The following APBB2 variants were observed in gnomAD, a reference collection of about 807,000 sequenced individuals.
The protein encoded by APBB2 is amyloid beta precursor protein binding family B member 2.
Under a neutral mutation model 82.5 loss-of-function variants are expected in APBB2, and 38 were observed. That is an observed-to-expected ratio of 0.46 (90% CI 0.36 to 0.60). The LOEUF (loss-of-function observed/expected upper bound fraction) is 0.60, where lower values mean the gene tolerates loss of function less well. Ranked by LOEUF, APBB2 falls within the 20% of genes least tolerant of loss-of-function variation. The probability of loss-of-function intolerance (pLI) is 0.00; values close to 1 mark genes in which losing one functional copy is unlikely to be tolerated. For synonymous variants in APBB2, 341 were observed against 368.2 expected (o/e 0.93, Z 0.85); for missense variants, 772 against 972.3 (o/e 0.79, Z 2.74).
chr4:40,884,608 A>G (rs1769658702), intron 12 of APBB2, among the ~76,000 whole-genome samples: 2 of 152,080 alleles, frequency 1.3e-5, no homozygotes. Context: ...GAGACCCCGT[A>G]TCTACAAAAA....
intron 4 of APBB2, among the ~76,000 whole-genome samples, chr4:41,036,808 C>T (rs1333204861): frequency 6.6e-6 from 1 of 152,198 alleles, no homozygotes; most frequent in Non-Finnish European, 1.5e-5. Context: ...CTATGCAGAA[C>T]TTTTTCCCCT....
chr4:41,142,303 T>C (rs1341783964), intron 2 of APBB2, among the ~76,000 whole-genome samples: 1 of 152,224 alleles, frequency 6.6e-6, no homozygotes, highest in Non-Finnish European at 1.5e-5. Flanking sequence ...CTGCCTCATA[T>C]GGGGTTATCC....
intron 12 of APBB2, among the ~76,000 whole-genome samples, chr4:40,867,864 C>CT (rs35665507): frequency 0.023 from 3,135 of 138,784 alleles, 111 homozygotes; most frequent in African/African-American, 0.076. Context: ...ATTTCTGGGG[C>CT]TTTTTTTTTT....
intron 1 of APBB2, among the ~76,000 whole-genome samples, chr4:41,210,521 C>T (rs1779060976): frequency 6.6e-6 from 1 of 152,166 alleles, no homozygotes; most frequent in Non-Finnish European, 1.5e-5. Context: ...GAGAGAAATG[C>T]CGTCAACACA....
At chr4:41,025,890 C>T (rs1372532540) in intron 5 of APBB2, among the ~76,000 whole-genome samples, 1 of 127,934 alleles carries the variant, frequency 7.8e-6, no homozygotes, top group East Asian at 2.4e-4. Context: ...GGCATTGAGC[C>T]AAGATCATGC....
chr4:41,061,281 C>A (rs1729737923), intron 4 of APBB2, among the ~76,000 whole-genome samples: 1 of 152,210 alleles, frequency 6.6e-6, no homozygotes, highest in Non-Finnish European at 1.5e-5. Flanking sequence ...TGTTGCTGAA[C>A]AACAGAAATA....
chr4:40,995,285 T>C (rs1397326285), intron 6 of APBB2, among the ~76,000 whole-genome samples: 1 of 152,198 alleles, frequency 6.6e-6, no homozygotes, highest in Non-Finnish European at 1.5e-5. Context: ...GTAATTCTCA[T>C]AACAAATTAA....
intron 2 of APBB2, among the ~76,000 whole-genome samples, chr4:41,122,262 C>T (rs184418862): frequency 3.3e-5 from 5 of 152,326 alleles, no homozygotes; most frequent in East Asian, 3.9e-4. Context: ...TACAATGACA[C>T]TTGAGGACAG....
At chr4:40,862,425 ATCCCTGAAGGAT>A (rs1762970677) in intron 12 of APBB2, among the ~76,000 whole-genome samples, 1 of 152,272 alleles carries the variant, frequency 6.6e-6, no homozygotes, top group Admixed American at 6.5e-5. Flanking sequence ...GGATAAGGGA[ATCCCTGAAGGAT>A]TCCTTAAATA....
intron 12 of APBB2, among the ~76,000 whole-genome samples, chr4:40,869,865 T>C (rs1160094562): frequency 6.6e-6 from 1 of 152,080 alleles, no homozygotes; most frequent in East Asian, 1.9e-4. Flanking sequence ...GTAAATATTC[T>C]ATATATTCCT....
At chr4:40,859,764 G>A (rs1762319127) in intron 12 of APBB2, among the ~76,000 whole-genome samples, 1 of 152,160 alleles carries the variant, frequency 6.6e-6, no homozygotes, top group Non-Finnish European at 1.5e-5. Flanking sequence ...TATCTCCAAT[G>A]CTGCAACCAC....
At chr4:41,032,511 G>T (rs1014476364) in intron 5 of APBB2, among the ~76,000 whole-genome samples, 3 of 150,874 alleles carry the variant, frequency 2.0e-5, no homozygotes, top group African/African-American at 7.3e-5. Flanking sequence ...GGGGGCGGGG[G>T]GGGTTTCTGT....
chr4:40,922,846 G>C (rs1042651586), intron 10 of APBB2, among the ~76,000 whole-genome samples: 1 of 151,174 alleles, frequency 6.6e-6, no homozygotes, highest in African/African-American at 2.4e-5. Flanking sequence ...TTGAACTCCT[G>C]AGCTCAAAGG....
rs529391144 is a variant in APBB2, at chr4:41,209,433, G to C, written c.-417+4972C>G. ...CTGCTACTGCAGCAGCCAATCACAGGCATCTGTCCAACACAGTGACAGGGC... is the reference window on the plus strand; with the variant it reads ...CTGCTACTGCAGCAGCCAATCACAGCCATCTGTCCAACACAGTGACAGGGC... On this transcript the variant is annotated intron_variant, in intron 1 of 17. Transcript: ENST00000508593. Among the ~76,000 whole-genome samples, 3 of 152,320 alleles carry C rather than the reference G, an allele frequency of 2.0e-5. No individual in the cohort carries two copies. The East Asian group carries it at 5.8e-4, about 29-fold the overall frequency.
At chr4:41,132,954 T>C (rs1045290960) in intron 2 of APBB2, among the ~76,000 whole-genome samples, 15 of 152,044 alleles carry the variant, frequency 9.9e-5, no homozygotes, top group South Asian at 6.2e-4. Flanking sequence ...TAAGTGAACA[T>C]AGTTAGAAAA....
chr4:40,874,279 C>A (rs1766282465), intron 12 of APBB2, among the ~76,000 whole-genome samples: 2 of 152,184 alleles, frequency 1.3e-5, no homozygotes, highest in Admixed American at 1.3e-4. Flanking sequence ...TTCTTACATG[C>A]ATATCCTTTG....
chr4:41,022,079 C>T (rs1711781279), intron 5 of APBB2, among the ~76,000 whole-genome samples: 5 of 152,166 alleles, frequency 3.3e-5, no homozygotes, highest in Admixed American at 3.3e-4. Flanking sequence ...TCCGTGGCTT[C>T]ATTCTTGAAG....
intron 1 of APBB2, among the ~76,000 whole-genome samples, chr4:41,180,684 T>C (rs149266386): frequency 9.2e-5 from 14 of 152,164 alleles, no homozygotes; most frequent in African/African-American, 3.4e-4. Context: ...ACAGTAAATG[T>C]GGGCACATGT....
intron 6 of APBB2, among the ~76,000 whole-genome samples, chr4:40,956,379 G>T (rs188103597): frequency 2.2e-3 from 338 of 152,324 alleles, no homozygotes; most frequent in Middle Eastern, 0.014. Flanking sequence ...CACTGACTAT[G>T]GTAAGAAAGG....
Sources: allele counts gnomAD v4.1 joint callset (sites outside exome capture counted in the v4.1 genomes callset), GRCh38; gene constraint gnomAD v4.1.1; transcripts MANE v1.5; gene names NCBI Gene and HGNC (gene_info 2026-07-23, HGNC 2026-07-21).